The following RBM45 variants were observed in gnomAD, a reference collection of about 807,000 sequenced individuals.
The protein encoded by RBM45 is RNA binding motif protein 45.
Under a neutral mutation model 58.5 loss-of-function variants are expected in RBM45, and 39 were observed. The observed-to-expected ratio is 0.67, with a 90% confidence interval of 0.52 to 0.87. The LOEUF is 0.87. Among genes scored for constraint, RBM45 ranks in the 40% least tolerant of loss-of-function variants. The pLI is 0.00. For synonymous variants in RBM45, 193 were observed against 203.0 expected (o/e 0.95, Z 0.42); for missense variants, 481 against 581.6 (o/e 0.83, Z 1.78).
intron 8 of RBM45, among the ~76,000 whole-genome samples, chr2:178,124,916 G>A (rs1226467132): frequency 1.3e-5 from 2 of 152,022 alleles, no homozygotes; most frequent in African/African-American, 4.8e-5. Context: ...TTGATTGTAG[G>A]GAAAAATACA....
chr2:178,128,765 T>C (rs2087969193), intron 9 of RBM45, among the ~76,000 whole-genome samples: 1 of 152,224 alleles, frequency 6.6e-6, no homozygotes, highest in African/African-American at 2.4e-5. Context: ...GCAGCATGGC[T>C]TTTTTTATTT....
chr2:178,121,459 T>C (rs2087852555), intron 5 of RBM45, 100 bp downstream of exon 5: 1 of 620,180 alleles, frequency 1.6e-6, no homozygotes, highest in African/African-American at 1.9e-5. Context: ...TTTGTTAAAA[T>C]GGCTTTTCTC....
intron 9 of RBM45, among the ~76,000 whole-genome samples, chr2:178,126,802 T>C (rs2087935729): frequency 6.6e-6 from 1 of 152,246 alleles, no homozygotes; most frequent in Non-Finnish European, 1.5e-5. Context: ...AAACTCTTTA[T>C]TGTAAATTTT....
At chr2:178,119,551 T>C (rs1221790537) in intron 3 of RBM45, among the ~76,000 whole-genome samples, 1 of 152,220 alleles carries the variant, frequency 6.6e-6, no homozygotes, top group Non-Finnish European at 1.5e-5. Flanking sequence ...TAGGATTCCT[T>C]TGTAGATTGT....
At chr2:178,117,371 A>T (rs1028464226) in intron 2 of RBM45, among the ~76,000 whole-genome samples, 1 of 152,194 alleles carries the variant, frequency 6.6e-6, no homozygotes, top group Non-Finnish European at 1.5e-5. Flanking sequence ...AATTGATTAC[A>T]TAAGAATTTA....
intron 1 of RBM45, 23 bp downstream of exon 1, chr2:178,112,869 G>A: frequency 6.3e-7 from 1 of 1,595,594 alleles, no homozygotes; most frequent in Non-Finnish European, 8.6e-7. Context: ...GGGTCGGGGT[G>A]CCCTCGGGGG....
At chr2:178,112,902 C>T in intron 1 of RBM45, 56 bp downstream of exon 1, 2 of 1,534,832 alleles carry the variant, frequency 1.3e-6, no homozygotes, top group Admixed American at 1.8e-5. Context: ...TCTTGGACCT[C>T]CCTTCACCTG....
At chr2:178,137,596 A>C (rs769300361) in exon 4 of RBM45, 1 of 151,830 alleles carries the variant, frequency 6.6e-6, no homozygotes, top group Non-Finnish European at 1.5e-5. Flanking sequence ...CCAGCCAACA[A>C]AAGATGTGCT....
At position 178,137,337 on chromosome 2, in the gene RBM45, A is replaced by G. The variant is rs1200776246; in HGVS notation, c.*883A>G. On this transcript the variant is annotated 3_prime_UTR_variant, in exon 4 of 4. Coordinates refer to the RBM45 transcript ENST00000455903. ...TGTTTGACAGTATCTACTAAAGTTG[A>G]ACATATGTATACCCTCGACTCAGCA... is the stretch of plus-strand genomic sequence containing the variant. 3 of 152,188 alleles carry G rather than the reference A, an allele frequency of 2.0e-5. No individual in the cohort carries two copies. In the East Asian group the frequency reaches 5.8e-4, roughly 29 times the overall value. 9.4% of individuals were successfully genotyped at this position (152,188 alleles called of 1,614,324 possible).
In RBM45 at chr2:178,129,429, T is replaced by A. The variant is rs2087978362; in HGVS notation, c.*41T>A. The A allele has an allele frequency of 6.6e-6, 1 of 152,548 alleles. No individual in the cohort carries two copies. Among genetic ancestry groups the A allele is most frequent in the Admixed American group, 6.5e-5 (1 of 15,270 alleles). 9.4% of individuals were successfully genotyped at this position (152,548 alleles called of 1,614,324 possible). On this transcript the variant is annotated 3_prime_UTR_variant, in exon 10 of 10. Coordinates refer to ENST00000286070, the MANE Select transcript of RBM45 (RefSeq NM_152945.4). The stretch of plus-strand genomic sequence containing the variant: ...ACTAAATAATGACATAATCCTCAGC[T>A]GACTGACTGAAAATGTGACTGGACG...
chr2:178,126,036 T>C lies in RBM45; in HGVS notation c.1285T>C (p.Tyr429His). The change falls in exon 9 of 10, where the codon TAT becomes CAT. Residue 429 changes from tyrosine (Y) to histidine (H), a missense_variant. By Grantham distance (83) the Tyr-to-His change is moderately conservative. Coordinates refer to ENST00000286070, the MANE Select transcript of RBM45 (RefSeq NM_152945.4). ...CCTTGTGTCAGGAAAAAATGTGGGG[T>C]ATGCCAAGTATGCCGATAGAATAAG... The part of the protein sequence containing the change: ...VYLVSGKNVG[Y>H]AKYADRISAN... 6.2e-7 allele frequency: 1 copy of C among 1,613,978 alleles called. No individual in the cohort carries two copies. Among genetic ancestry groups the C allele is most frequent in the East Asian group, 2.2e-5 (1 of 44,860 alleles).
chr2:178,117,200 TGAGAA>T (rs1402284722), intron 2 of RBM45, among the ~76,000 whole-genome samples: 1 of 152,054 alleles, frequency 6.6e-6, no homozygotes, highest in Non-Finnish European at 1.5e-5. Context: ...CTACCCCAAT[TGAGAA>T]TTCAATGAAA....
In RBM45 at chr2:178,124,277, G is replaced by A; in HGVS notation, c.1219G>A (p.Glu407Lys). The change falls in exon 8 of 10, where the codon GAA becomes AAA. Residue 407 changes from glutamate to lysine, a missense_variant. Transcript: ENST00000286070. ...TCATCCTTTACCTTTAGACGTATTA[G>A]AAGATATATTCTGGTAAGAAAGTTA... ...NPHPLPLDVL[E>K]DIFCRFGNLI... 1 of 1,546,810 alleles carries A rather than the reference G, an allele frequency of 6.5e-7. No individual in the cohort carries two copies.
chr2:178,118,098 T>C lies in RBM45; in HGVS notation c.467T>C (p.Val156Ala). 1 of 1,612,528 alleles carries C rather than the reference T, an allele frequency of 6.2e-7. No homozygotes were observed. The highest frequency in any genetic ancestry group is 1.1e-5 in the South Asian group (1 of 90,910). The change falls in exon 3 of 10, where the codon GTG becomes GCG. Residue 156 changes from valine (V) to alanine (A), a missense_variant. Transcript: ENST00000286070. ...TATTGCAGCATTATTAAGAATAAAG[T>C]GACTGGAGAAAGTAAAGGTTTGGGC... is the stretch of plus-strand genomic sequence containing the variant. ...IEYCSIIKNK[V>A]TGESKGLGYV...
intron 3 of RBM45, among the ~76,000 whole-genome samples, chr2:178,119,797 A>G (rs528458450): frequency 4.0e-4 from 61 of 152,330 alleles, no homozygotes; most frequent in Non-Finnish European, 7.6e-4. Flanking sequence ...TTGGACCCCT[A>G]GTTAAGAACC....
downstream of RBM45, among the ~76,000 whole-genome samples, chr2:178,131,113 A>G (rs940064215): frequency 6.6e-6 from 1 of 152,226 alleles, no homozygotes; most frequent in Non-Finnish European, 1.5e-5. Context: ...ATTTTTTAAA[A>G]GAACAAAGCA....
intron 8 of RBM45, among the ~76,000 whole-genome samples, chr2:178,125,248 A>G (rs1437580739): frequency 2.6e-5 from 4 of 152,196 alleles, no homozygotes; most frequent in Admixed American, 2.6e-4. Flanking sequence ...GAGACATGTA[A>G]ACAAAATATT....
At chr2:178,114,623 C>T (rs1006106983) in intron 1 of RBM45, among the ~76,000 whole-genome samples, 2 of 152,128 alleles carry the variant, frequency 1.3e-5, no homozygotes, top group Non-Finnish European at 2.9e-5. Context: ...GAATCTCACT[C>T]TGTCACCCAG....
Position 178,123,844 on chromosome 2 carries a change from G to A in RBM45, c.1000G>A (p.Ala334Thr), listed in dbSNP as rs78762091. The A allele has an allele frequency of 3.4e-4, 544 of 1,613,876 alleles. 1 individual carries two copies. In the African/African-American group the frequency reaches 6.4e-3, roughly 19 times the overall value. Residue 334 changes from alanine to threonine, a missense_variant, in exon 7 of 10, where the codon GCA becomes ACA. Coordinates refer to ENST00000286070, the MANE Select transcript of RBM45 (RefSeq NM_152945.4). ...SNATDLLRKM[A>T]TQMVAAQLAS... ...TTTTTCCAGTCTCCTTAGAAAAATG[G>A]CAACACAGATGGTAGCTGCACAGCT...
Sources: gnomAD v4.1 joint callset for allele counts (sites outside exome capture counted in the v4.1 genomes callset) on GRCh38, gnomAD v4.1.1 for gene constraint, MANE v1.5 for transcripts, NCBI Gene and HGNC (gene_info 2026-07-23, HGNC 2026-07-21) for gene names.